MERTK: variants seen among roughly 807,000 people sequenced by gnomAD.
MERTK encodes the protein MER proto-oncogene, tyrosine kinase.
Under a neutral mutation model 99.3 loss-of-function variants are expected in MERTK, and 69 were observed. That is an observed-to-expected ratio of 0.70 (90% CI 0.57 to 0.85). The LOEUF is 0.85. MERTK is among the 40% of genes least tolerant of loss of function. MERTK has a pLI of 0.00. For synonymous variants in MERTK, 426 were observed against 467.6 expected (o/e 0.91, Z 1.15); for missense variants, 1,125 against 1,249.4 (o/e 0.90, Z 1.50).
chr2:111,943,964 C>G (rs932833772), intron 2 of MERTK, among the ~76,000 whole-genome samples: 1 of 152,052 alleles, frequency 6.6e-6, no homozygotes, highest in African/African-American at 2.4e-5. Context: ...GGGGGCAGTA[C>G]CCCAATGCAG....
chr2:111,934,631 G>A (rs1684732059), intron 2 of MERTK, among the ~76,000 whole-genome samples: 1 of 151,072 alleles, frequency 6.6e-6, no homozygotes, highest in African/African-American at 2.4e-5. Flanking sequence ...TTTGTCAGAT[G>A]GATAGATTGC....
intron 2 of MERTK, among the ~76,000 whole-genome samples, chr2:111,944,463 TA>T (rs1684921190): frequency 2.2e-5 from 3 of 139,214 alleles, no homozygotes; most frequent in Admixed American, 7.0e-5. Flanking sequence ...TTCCTTAAAT[TA>T]ACTCCTAAAT....
chr2:112,029,267 C>A lies in MERTK; in HGVS notation c.*403C>A. ...TGAAATGCCATATTTGACTTGGCTTCTGGTCTTGATGTATTTGATAAGAAT... is the reference window on the plus strand; with the variant it reads ...TGAAATGCCATATTTGACTTGGCTTATGGTCTTGATGTATTTGATAAGAAT... On this transcript the variant is annotated 3_prime_UTR_variant, in exon 19 of 19. Transcript: ENST00000295408. 1.0e-6 allele frequency: 1 copy of A among 979,864 alleles called. No homozygotes were observed. The highest frequency in any genetic ancestry group is 1.2e-6 in the Non-Finnish European group (1 of 819,398). 60.7% of individuals were successfully genotyped at this position (979,864 alleles called of 1,614,324 possible). A position where few individuals can be genotyped will look rare whatever the true frequency, so the allele number is the denominator to read the frequency against.
At chr2:111,955,543 A>G (rs1015409296) in intron 4 of MERTK, among the ~76,000 whole-genome samples, 2 of 152,194 alleles carry the variant, frequency 1.3e-5, no homozygotes, top group South Asian at 2.1e-4. Context: ...AAACCTATAC[A>G]CTCATTCTTC....
intron 1 of MERTK, among the ~76,000 whole-genome samples, chr2:111,920,671 C>A (rs936937690): frequency 6.6e-6 from 1 of 151,010 alleles, no homozygotes; most frequent in Non-Finnish European, 1.5e-5. Context: ...ATTTATTTTC[C>A]GAAACAGAGT....
intron 13 of MERTK, among the ~76,000 whole-genome samples, chr2:112,004,212 A>G (rs1278307446): frequency 6.6e-6 from 1 of 152,150 alleles, no homozygotes; most frequent in African/African-American, 2.4e-5. Flanking sequence ...CTGCATGCCT[A>G]TGCATACATA....
intron 15 of MERTK, among the ~76,000 whole-genome samples, chr2:112,016,063 C>T (rs1033058549): frequency 6.6e-6 from 1 of 152,148 alleles, no homozygotes; most frequent in Non-Finnish European, 1.5e-5. Context: ...ATTACTGAAG[C>T]TTGTTATAAA....
rs187973403 is a variant in MERTK, at chr2:111,949,616, A to T, written c.757+2049A>T. On this transcript the variant is annotated intron_variant, in intron 4 of 18. Transcript: ENST00000295408. ...ATTGAGGTAAAATTGACATACAATTAAGTGCATAGAATTCAGTTGTACAAC... is the reference window on the plus strand; with the variant it reads ...ATTGAGGTAAAATTGACATACAATTTAGTGCATAGAATTCAGTTGTACAAC... Among the ~76,000 whole-genome samples the T allele has an allele frequency of 1.7e-3, 262 of 152,310 alleles. 2 individuals carry two copies. The highest frequency in any genetic ancestry group is 5.8e-3 in the African/African-American group (241 of 41,558).
At chr2:112,022,183 C>A (rs940062905) in intron 17 of MERTK, 75 bp from the exon 18 acceptor site, 8 of 1,598,406 alleles carry the variant, frequency 5.0e-6, no homozygotes, top group Non-Finnish European at 6.9e-6. Flanking sequence ...AAGGAAATGA[C>A]CTTTCCCAGT....
chr2:111,920,128 A>G (rs1287009202), intron 1 of MERTK, among the ~76,000 whole-genome samples: 1 of 152,164 alleles, frequency 6.6e-6, no homozygotes, highest in African/African-American at 2.4e-5. Flanking sequence ...GGGTGTTCCC[A>G]TATTGGTTGC....
At chr2:112,023,066 C>T (rs374191722) in intron 18 of MERTK, among the ~76,000 whole-genome samples, 1 of 151,880 alleles carries the variant, frequency 6.6e-6, no homozygotes, top group Non-Finnish European at 1.5e-5. Context: ...TCGTTTGAGC[C>T]CAGGAGTTTA....
intron 15 of MERTK, among the ~76,000 whole-genome samples, chr2:112,014,587 T>C (rs1677178892): frequency 6.6e-6 from 1 of 152,108 alleles, no homozygotes; most frequent in Non-Finnish European, 1.5e-5. Context: ...GCCCAAATAG[T>C]TTTGTCTATT....
At chr2:111,904,530 C>T (rs1226240683) in intron 1 of MERTK, among the ~76,000 whole-genome samples, 1 of 152,104 alleles carries the variant, frequency 6.6e-6, no homozygotes, top group Admixed American at 6.6e-5. Flanking sequence ...TGCCCTCCAC[C>T]AGACCTGGCT....
At chr2:112,026,422 C>T (rs1677462102) in intron 18 of MERTK, among the ~76,000 whole-genome samples, 1 of 152,074 alleles carries the variant, frequency 6.6e-6, no homozygotes, top group Admixed American at 6.5e-5. Context: ...GATTATGTCC[C>T]TAAGAACAGA....
chr2:111,936,002 C>T (rs1684759263), intron 2 of MERTK, among the ~76,000 whole-genome samples: 1 of 152,020 alleles, frequency 6.6e-6, no homozygotes, highest in Admixed American at 6.6e-5. Flanking sequence ...TTGGAACCTC[C>T]ACCTCCCGGG....
Position 111,968,237 on chromosome 2 carries a change from G to T in MERTK, c.945G>T (p.Arg315Ser). 1 of 1,613,308 alleles carries T rather than the reference G, an allele frequency of 6.2e-7. No individual in the cohort carries two copies. The highest frequency in any genetic ancestry group is 8.5e-7 in the Non-Finnish European group (1 of 1,179,350). ...VPGFDGYSPFRNCSIQVKEAD... is the reference protein window; with the variant it reads ...VPGFDGYSPFSNCSIQVKEAD... ...GTTTTGATGGATACTCCCCGTTCAG[G>T]AATTGCAGCATTCAGGTAAAGTTCC... Residue 315 changes from arginine to serine, a missense_variant, in exon 6 of 19, where the codon AGG (arginine) becomes AGT (serine). Arg to Ser is a moderately radical substitution (Grantham distance 110). Transcript: ENST00000295408.
chr2:112,001,177 G>A (rs760027365), intron 10 of MERTK, 24 bp from the exon 11 acceptor site: 7 of 1,575,518 alleles, frequency 4.4e-6, no homozygotes, highest in South Asian at 4.4e-5. Context: ...TTATAGTGAA[G>A]TATCTTTGTT....
Position 112,028,454 on chromosome 2 carries a change from G to T in MERTK, c.2590G>T (p.Val864Phe), listed in dbSNP as rs557004700. Residue 864 changes from valine (V) to phenylalanine (F), a missense_variant, in exon 19 of 19, where the codon GTT becomes TTT. Physicochemically the swap from Val to Phe is conservative, Grantham distance 50. Transcript: ENST00000295408. ...LEKLLESLPD[V>F]RNQADVIYVN... ...AAAACTCTTAGAAAGTTTGCCTGACGTTCGGAACCAAGCAGACGTTATTTA... is the reference window on the plus strand; with the variant it reads ...AAAACTCTTAGAAAGTTTGCCTGACTTTCGGAACCAAGCAGACGTTATTTA... The T allele has an allele frequency of 1.7e-4, 268 of 1,614,132 alleles. 4 individuals carry two copies. The South Asian group carries it at 2.8e-3, about 17-fold the overall frequency.
At position 111,982,830 on chromosome 2, in the gene MERTK, T is replaced by C; in HGVS notation, c.1145-12T>C. The C allele has an allele frequency of 6.2e-7, 1 of 1,613,786 alleles. No homozygotes were observed. Among genetic ancestry groups the C allele is most frequent in the Non-Finnish European group, 8.5e-7 (1 of 1,179,724 alleles). On this transcript the variant is annotated splice_polypyrimidine_tract_variant and intron_variant, in intron 7 of 18. Coordinates refer to ENST00000295408, the MANE Select transcript of MERTK (RefSeq NM_006343.3). ...GTGGTTCTTCATTCTTCTCTCCTTT[T>C]TTCTTTTGTAGCCCCATCAGTAGCA...
Sources: allele counts gnomAD v4.1 joint callset (sites outside exome capture counted in the v4.1 genomes callset), GRCh38; gene constraint gnomAD v4.1.1; transcripts MANE v1.5; gene names NCBI Gene and HGNC (gene_info 2026-07-23, HGNC 2026-07-21).